Variants in LRSAM1 observed in about 807,000 individuals in gnomAD.
The protein encoded by LRSAM1 is leucine rich repeat and sterile alpha motif containing 1.
In LRSAM1, 96 loss-of-function variants were observed where a neutral mutation model predicts 118.1. That is an observed-to-expected ratio of 0.81 (90% CI 0.69 to 0.96). LRSAM1 has a LOEUF of 0.96. Ranked by LOEUF, LRSAM1 falls within the 40% of genes least tolerant of loss-of-function variation. The pLI is 0.00. For missense variants in LRSAM1, 804 were observed against 915.5 expected (o/e 0.88, Z 1.57); for synonymous variants, 322 against 364.2 (o/e 0.88, Z 1.32).
intron 24 of LRSAM1, among the ~76,000 whole-genome samples, chr9:127,500,436 G>A (rs1029530257): frequency 5.3e-5 from 8 of 152,010 alleles, no homozygotes; most frequent in Non-Finnish European, 1.0e-4. Context: ...TGACTCCAGG[G>A]CAGAGCAGCC....
chr9:127,497,114 C>T (rs1404246861), intron 23 of LRSAM1, 139 bp from the exon 24 acceptor site: 2 of 828,380 alleles, frequency 2.4e-6, no homozygotes, highest in African/African-American at 1.7e-5. Flanking sequence ...ACCGTGGGCC[C>T]CGCCAGGCCC....
chr9:127,497,617 C>T (rs1016841536), intron 24 of LRSAM1, among the ~76,000 whole-genome samples: 25 of 152,248 alleles, frequency 1.6e-4, no homozygotes, highest in Non-Finnish European at 3.4e-4. Context: ...GTCCACCCTA[C>T]AGACGCTGGG....
At position 127,465,239 on chromosome 9, in the gene LRSAM1, A is replaced by G. The variant is rs1487709536; in HGVS notation, c.529-2501A>G. Among the ~76,000 whole-genome samples, 3 of 152,168 alleles carry G rather than the reference A, an allele frequency of 2.0e-5. No homozygotes were observed. Among genetic ancestry groups the G allele is most frequent in the African/African-American group, 7.2e-5 (3 of 41,432 alleles). The stretch of plus-strand genomic sequence containing the variant: ...CCATGGCGGTGTCTTTGGCACAGCA[A>G]TGTCCAGTCACTGCTCCTGCTGCCC... On this transcript the variant is annotated intron_variant, in intron 9 of 25. Coordinates refer to ENST00000300417, the MANE Select transcript of LRSAM1 (RefSeq NM_001005373.4). The surrounding 1 kb of genome is among the most constrained non-coding windows in gnomAD (Gnocchi z 4.1).
intron 15 of LRSAM1, among the ~76,000 whole-genome samples, chr9:127,482,166 G>A (rs150191258): frequency 0.022 from 3,018 of 135,784 alleles, 47 homozygotes; most frequent in Middle Eastern, 0.059. Flanking sequence ...TTTTTGAGAC[G>A]GAGTCTCACT....
chr9:127,488,164 C>T (rs905010237), intron 18 of LRSAM1, among the ~76,000 whole-genome samples: 2 of 152,148 alleles, frequency 1.3e-5, no homozygotes, highest in Non-Finnish European at 2.9e-5. Context: ...TCCATCTCTG[C>T]GGTGCTCAGG....
chr9:127,459,142 T>C (rs1033030246), intron 7 of LRSAM1, 71 bp downstream of exon 7: 1 of 1,480,704 alleles, frequency 6.8e-7, no homozygotes, highest in African/African-American at 1.4e-5. Context: ...AAGCCTGGAA[T>C]GTTCTGGCCG....
chr9:127,455,397 G>A (rs1834479763), intron 4 of LRSAM1, among the ~76,000 whole-genome samples, 179 bp from the exon 5 acceptor site: 1 of 152,230 alleles, frequency 6.6e-6, no homozygotes, highest in African/African-American at 2.4e-5. Context: ...GGGAAGGGCT[G>A]GCCACATCCC....
chr9:127,495,476 C>T (rs1836096786), intron 22 of LRSAM1, 58 bp downstream of exon 22: 3 of 1,432,602 alleles, frequency 2.1e-6, no homozygotes, highest in East Asian at 2.3e-5. Context: ...CTCCCAGAGG[C>T]GCCTGTGGTG....
chr9:127,503,119 G>A lies in LRSAM1; in HGVS notation c.*220G>A, dbSNP rs1265649701. 3.2e-6 allele frequency: 2 copies of A among 625,372 alleles called. No individual in the cohort carries two copies. The highest frequency in any genetic ancestry group is 5.5e-6 in the Non-Finnish European group (2 of 364,316). 38.7% of individuals were successfully genotyped at this position (625,372 alleles called of 1,614,324 possible). A position where few individuals can be genotyped will look rare whatever the true frequency, so the allele number is the denominator to read the frequency against. The stretch of plus-strand genomic sequence containing the variant: ...ACCACCAGTCTGAATGGTCCTGGGG[G>A]CTGGGGCTGGAGAGGCCGCTGCACC... On this transcript the variant is annotated 3_prime_UTR_variant, in exon 26 of 26. Transcript: ENST00000300417.
At chr9:127,482,339 C>T (rs1835573453) in intron 15 of LRSAM1, among the ~76,000 whole-genome samples, 1 of 152,062 alleles carries the variant, frequency 6.6e-6, no homozygotes. Flanking sequence ...GATGGAGTTT[C>T]ACCATGTTGG....
chr9:127,454,786 A>G (rs944532459), intron 3 of LRSAM1, among the ~76,000 whole-genome samples, 187 bp downstream of exon 3: 1 of 152,134 alleles, frequency 6.6e-6, no homozygotes, highest in African/African-American at 2.4e-5. Context: ...CTGTAGACTG[A>G]GCGCACTGTC....
chr9:127,489,711 C>T (rs1835861937), intron 19 of LRSAM1, among the ~76,000 whole-genome samples, 193 bp downstream of exon 19: 1 of 152,202 alleles, frequency 6.6e-6, no homozygotes, highest in South Asian at 2.1e-4. Flanking sequence ...GGGAGGGTGT[C>T]TAGAGACCTC....
intron 20 of LRSAM1, among the ~76,000 whole-genome samples, chr9:127,491,767 C>G (rs1835942640): frequency 1.3e-5 from 2 of 152,210 alleles, no homozygotes; most frequent in Admixed American, 6.5e-5. Context: ...CCCGGGAGTC[C>G]TGCGCACACA....
intron 17 of LRSAM1, chr9:127,486,776 G>T (rs1002654465): frequency 6.6e-6 from 1 of 152,208 alleles, no homozygotes; most frequent in Non-Finnish European, 1.5e-5. Context: ...TGGAGAATTT[G>T]ATGAGTGTTG....
rs191212168 is a variant in LRSAM1 at position 127,499,283 on chromosome 9, A to G, written c.1913-1727A>G. On this transcript the variant is annotated intron_variant, in intron 24 of 25. Coordinates refer to ENST00000300417, the MANE Select transcript of LRSAM1 (RefSeq NM_001005373.4). ...CAGCTACTCGGGGGGCAAAGGTGGG[A>G]GGATCGCTTGAGCTTGGGAGGTCGA... Among the ~76,000 whole-genome samples the G allele has an allele frequency of 7.5e-4, 114 of 152,144 alleles. 2 individuals carry two copies. The East Asian group carries it at 0.02, about 26-fold the overall frequency.
chr9:127,457,204 G>A (rs1336831784), intron 5 of LRSAM1, 112 bp from the exon 6 acceptor site: 6 of 1,145,626 alleles, frequency 5.2e-6, no homozygotes, highest in Non-Finnish European at 7.7e-6. Flanking sequence ...GTGGTGTCTG[G>A]GAGAGCAAGA....
rs1434142009 is a variant in LRSAM1, at chr9:127,492,796, T to C, written c.1504-6T>C. The C allele has an allele frequency of 6.2e-7, 1 of 1,613,370 alleles. No individual in the cohort carries two copies. The stretch of plus-strand genomic sequence containing the variant: ...ACGGTGGTGCGGGGTGTGGTCTTGT[T>C]CGCAGGAGATGATCTCGGAGCAGCG... On this transcript the variant is annotated splice_polypyrimidine_tract_variant and splice_region_variant and intron_variant, in intron 20 of 25. Transcript: ENST00000300417.
chr9:127,481,499 C>T (rs1229849431), intron 15 of LRSAM1, among the ~76,000 whole-genome samples: 4 of 152,008 alleles, frequency 2.6e-5, no homozygotes, highest in African/African-American at 7.2e-5. Flanking sequence ...CTGCCCGCCT[C>T]GGCCTCACAA....
chr9:127,479,020 A>T, intron 12 of LRSAM1, 57 bp downstream of exon 12: 1 of 1,538,878 alleles, frequency 6.5e-7, no homozygotes, highest in Non-Finnish European at 9.0e-7. Context: ...TCTCAACTCA[A>T]CTCATAAAAT....
Sources: gnomAD v4.1 joint callset for allele counts (sites outside exome capture counted in the v4.1 genomes callset) on GRCh38, gnomAD v4.1.1 for gene constraint, Gnocchi (gnomAD v3.1) non-coding constraint, MANE v1.5 for transcripts, NCBI Gene and HGNC (gene_info 2026-07-23, HGNC 2026-07-21) for gene names.